Variants in FHOD3 observed in about 807,000 individuals in gnomAD.
The protein encoded by FHOD3 is formin homology 2 domain containing 3, also known as FH1/FH2 domain-containing protein 3.
Under a neutral mutation model 173.0 loss-of-function variants are expected in FHOD3, and 90 were observed. That is an observed-to-expected ratio of 0.52 (90% confidence interval 0.44 to 0.62). FHOD3 has a LOEUF of 0.62. Ranked by LOEUF, FHOD3 falls within the 20% of genes least tolerant of loss-of-function variation. The pLI, the probability that FHOD3 is intolerant of heterozygous loss-of-function variation, is 0.00. For missense variants in FHOD3, 1,945 were observed against 2,034.7 expected (o/e 0.96, Z 0.85); for synonymous variants, 828 against 823.0 (o/e 1.01, Z -0.10).
At chr18:36,659,553 T>G (rs2036640684) in intron 14 of FHOD3, among the ~76,000 whole-genome samples, 1 of 152,186 alleles carries the variant, frequency 6.6e-6, no homozygotes, top group African/African-American at 2.4e-5. Flanking sequence ...TTGCACATCT[T>G]GCACCTGCCA....
At chr18:36,554,727 A>G (rs1161234820) in intron 5 of FHOD3, among the ~76,000 whole-genome samples, 3 of 152,228 alleles carry the variant, frequency 2.0e-5, no homozygotes, top group Non-Finnish European at 4.4e-5. Flanking sequence ...CCTTTCTGGT[A>G]AAAATTTAAC....
intron 3 of FHOD3, among the ~76,000 whole-genome samples, chr18:36,440,402 T>C (rs985152150): frequency 2.0e-5 from 3 of 152,198 alleles, no homozygotes; most frequent in Non-Finnish European, 2.9e-5. Flanking sequence ...TCCCCTTCCT[T>C]ATTTGAGGAG....
intron 5 of FHOD3, among the ~76,000 whole-genome samples, chr18:36,549,848 A>G (rs1212726260): frequency 6.6e-6 from 1 of 151,238 alleles, no homozygotes; most frequent in African/African-American, 2.4e-5. Flanking sequence ...ACGCCTGGCC[A>G]TGGCCAGATC....
chr18:36,376,478 A>G (rs1246693505), intron 3 of FHOD3, among the ~76,000 whole-genome samples: 1 of 152,236 alleles, frequency 6.6e-6, no homozygotes. Context: ...TGCAGCTGTG[A>G]AAGAATCCTG....
At chr18:36,549,231 G>C (rs2057536939) in intron 5 of FHOD3, among the ~76,000 whole-genome samples, 1 of 152,148 alleles carries the variant, frequency 6.6e-6, no homozygotes, top group South Asian at 2.1e-4. Flanking sequence ...ATCTTTGGGT[G>C]AATTGTTTGT....
chr18:36,510,850 G>A (rs17673902), intron 4 of FHOD3, among the ~76,000 whole-genome samples: 13,106 of 152,014 alleles, frequency 0.086, 844 homozygotes, highest in East Asian at 0.28. Flanking sequence ...CTTTCATTAC[G>A]TTCAGGGCGC....
intron 5 of FHOD3, among the ~76,000 whole-genome samples, chr18:36,528,943 A>C (rs1350235934): frequency 6.6e-6 from 1 of 152,190 alleles, no homozygotes; most frequent in Non-Finnish European, 1.5e-5. Flanking sequence ...GTGGGTTGGC[A>C]TTAGCTGGAC....
At chr18:36,298,050 C>A in intron 1 of FHOD3, 50 bp downstream of exon 1, 2 of 1,400,806 alleles carry the variant, frequency 1.4e-6, no homozygotes, top group Non-Finnish European at 1.9e-6. Flanking sequence ...CCCCCTGCCG[C>A]GGTGCGCGCC....
intron 18 of FHOD3, among the ~76,000 whole-genome samples, chr18:36,717,352 G>C (rs1291077962): frequency 6.6e-6 from 1 of 152,202 alleles, no homozygotes; most frequent in African/African-American, 2.4e-5. Context: ...AGAGTGATCA[G>C]TGGCACAGTT....
At chr18:36,502,431 A>T (rs1320648937) in intron 4 of FHOD3, among the ~76,000 whole-genome samples, 1 of 152,004 alleles carries the variant, frequency 6.6e-6, no homozygotes, top group African/African-American at 2.4e-5. Context: ...CTGGTGTGTG[A>T]TGTTCCCCTC....
intron 6 of FHOD3, among the ~76,000 whole-genome samples, chr18:36,576,848 A>G (rs1219142462): frequency 6.6e-6 from 1 of 152,216 alleles, no homozygotes; most frequent in East Asian, 1.9e-4. Flanking sequence ...CACACCGGTA[A>G]TCCCAGCACT....
chr18:36,609,959 C>A (rs1190407311), intron 8 of FHOD3, among the ~76,000 whole-genome samples: 3 of 152,166 alleles, frequency 2.0e-5, no homozygotes, highest in South Asian at 2.1e-4. Context: ...ACCAGTGATT[C>A]CCTCACCCTT....
At chr18:36,298,469 G>T (rs899999011) in intron 1 of FHOD3, among the ~76,000 whole-genome samples, 5 of 152,168 alleles carry the variant, frequency 3.3e-5, no homozygotes, top group Non-Finnish European at 5.9e-5. Context: ...GGCCTCTGGG[G>T]CCGCTGCGGG....
At chr18:36,369,498 CATAT>C (rs370203544) in intron 2 of FHOD3, among the ~76,000 whole-genome samples, 2 of 95,994 alleles carry the variant, frequency 2.1e-5, no homozygotes, top group Admixed American at 1.2e-4. Context: ...CACACACACA[CATAT>C]ATATAGAGAG....
chr18:36,494,615 C>G (rs542217780), intron 3 of FHOD3, among the ~76,000 whole-genome samples: 1 of 152,328 alleles, frequency 6.6e-6, no homozygotes, highest in Non-Finnish European at 1.5e-5. Context: ...GTATAATCAG[C>G]CTGCCCCCAG....
At chr18:36,640,996 C>A (rs1311566101) in intron 10 of FHOD3, among the ~76,000 whole-genome samples, 8 of 152,180 alleles carry the variant, frequency 5.3e-5, no homozygotes, top group Admixed American at 5.2e-4. Flanking sequence ...TCTCCAGACC[C>A]CATCCTTCTT....
intron 1 of FHOD3, among the ~76,000 whole-genome samples, chr18:36,320,299 G>A (rs186533057): frequency 2.2e-4 from 33 of 152,114 alleles, no homozygotes; most frequent in African/African-American, 8.0e-4. Flanking sequence ...TGATAAAGGG[G>A]ATATCACCAC....
At chr18:36,542,801 T>C (rs1014429189) in intron 5 of FHOD3, among the ~76,000 whole-genome samples, 8 of 152,006 alleles carry the variant, frequency 5.3e-5, no homozygotes, top group Non-Finnish European at 1.2e-4. Flanking sequence ...CTAAGAGAAA[T>C]GTTATTTAAA....
chr18:36,406,961 G>T (rs909888103), intron 3 of FHOD3, among the ~76,000 whole-genome samples: 1 of 152,190 alleles, frequency 6.6e-6, no homozygotes, highest in African/African-American at 2.4e-5. Context: ...CCTGCTGTGG[G>T]ATGAAGTCAT....
Sources: gnomAD v4.1 joint callset for allele counts (sites outside exome capture counted in the v4.1 genomes callset) on GRCh38, gnomAD v4.1.1 for gene constraint, MANE v1.5 for transcripts, NCBI Gene and HGNC (gene_info 2026-07-23, HGNC 2026-07-21) for gene names.